ACP3: variants seen among roughly 807,000 people sequenced by gnomAD.
ACP3 encodes the protein prostatic acid phosphatase.
ACP3 carries 38 observed loss-of-function variants against 45.6 expected under a neutral mutation model. The observed-to-expected ratio is 0.83, with a 90% confidence interval of 0.64 to 1.09. ACP3 has a LOEUF of 1.09. Among genes scored for constraint, ACP3 ranks in the 50% least tolerant of loss-of-function variants. The probability of loss-of-function intolerance (pLI) is 0.00; values close to 1 mark genes in which losing one functional copy is unlikely to be tolerated. For synonymous variants in ACP3, 162 were observed against 164.7 expected, an observed-to-expected ratio of 0.98 and a Z score of 0.13; for missense variants, 466 against 463.2, an observed-to-expected ratio of 1.01 and a Z score of -0.05.
At chr3:132,340,455 T>A (rs1937541470) in intron 5 of ACP3, among the ~76,000 whole-genome samples, 1 of 152,218 alleles carries the variant, frequency 6.6e-6, no homozygotes, top group South Asian at 2.1e-4. Flanking sequence ...TTATATGGCT[T>A]CTATATTTTG....
intron 1 of ACP3, among the ~76,000 whole-genome samples, chr3:132,323,977 G>C (rs1576407489): frequency 6.6e-6 from 1 of 152,198 alleles, no homozygotes; most frequent in South Asian, 2.1e-4. Flanking sequence ...CAACACTTTG[G>C]GAGGCCAAGG....
intron 4 of ACP3, among the ~76,000 whole-genome samples, chr3:132,333,682 T>C (rs1346129982): frequency 6.6e-6 from 1 of 152,174 alleles, no homozygotes; most frequent in East Asian, 1.9e-4. Flanking sequence ...CTTCACAGAA[T>C]CATGAGGGAA....
intron 2 of ACP3, among the ~76,000 whole-genome samples, chr3:132,329,560 C>T (rs1036310742): frequency 6.6e-6 from 1 of 152,174 alleles, no homozygotes; most frequent in Non-Finnish European, 1.5e-5. Flanking sequence ...AGAGAGGCTA[C>T]AAAAATTCAG....
chr3:132,333,960 A>G lies in ACP3; in HGVS notation c.456+1616A>G, dbSNP rs1033683202. Among the ~76,000 whole-genome samples the G allele has an allele frequency of 3.9e-5, 6 of 152,124 alleles. No individual in the cohort carries two copies. In the East Asian group the frequency reaches 1.2e-3, roughly 29 times the overall value. Reference sequence around the variant, plus strand: ...GTGGTGCACGCCTGTAATCCCAGCTACTCAGGAGGCTGAGGCAGGAGAATC... The same window carrying G: ...GTGGTGCACGCCTGTAATCCCAGCTGCTCAGGAGGCTGAGGCAGGAGAATC... On this transcript the variant is annotated intron_variant, in intron 4 of 9. Coordinates refer to ENST00000336375, the MANE Select transcript of ACP3 (RefSeq NM_001099.5).
At chr3:132,337,050 A>G (rs904574743) in intron 4 of ACP3, among the ~76,000 whole-genome samples, 2 of 149,662 alleles carry the variant, frequency 1.3e-5, no homozygotes, top group African/African-American at 5.0e-5. Flanking sequence ...TTCTCCATAC[A>G]TACATGCGTT....
At chr3:132,329,955 T>C (rs1438395316) in intron 2 of ACP3, among the ~76,000 whole-genome samples, 1 of 145,562 alleles carries the variant, frequency 6.9e-6, no homozygotes, top group Non-Finnish European at 1.5e-5. Flanking sequence ...TCTCACTCTG[T>C]CCCCGCAGGC....
exon 11 of ACP3, chr3:132,367,982 C>G: frequency 1.6e-6 from 1 of 608,364 alleles, no homozygotes; most frequent in Non-Finnish European, 2.9e-6. Flanking sequence ...GACCCACAGG[C>G]TGCTGCTGGA....
intron 5 of ACP3, among the ~76,000 whole-genome samples, chr3:132,338,997 T>C (rs1937522568): frequency 6.6e-6 from 1 of 152,126 alleles, no homozygotes; most frequent in Non-Finnish European, 1.5e-5. Context: ...CTAGTACTCA[T>C]TGGTTATTTT....
chr3:132,364,765 AGAAG>A (rs1332998707), intron 10 of ACP3, among the ~76,000 whole-genome samples: 1 of 152,258 alleles, frequency 6.6e-6, no homozygotes, highest in Admixed American at 6.5e-5. Context: ...TAGAAAGGAA[AGAAG>A]GAAGGATAAA....
At chr3:132,366,299 C>CAA (rs757548940) in intron 10 of ACP3, among the ~76,000 whole-genome samples, 65 of 81,856 alleles carry the variant, frequency 7.9e-4, no homozygotes, top group East Asian at 6.5e-3. Context: ...AACTCTGTCT[C>CAA]AAAAAAAAAA....
chr3:132,319,279 A>T (rs1937162315), intron 1 of ACP3, among the ~76,000 whole-genome samples: 1 of 152,208 alleles, frequency 6.6e-6, no homozygotes, highest in Non-Finnish European at 1.5e-5. Flanking sequence ...AATTTATACA[A>T]ATGAGATAAC....
intron 10 of ACP3, among the ~76,000 whole-genome samples, chr3:132,366,437 T>A (rs1938133452): frequency 6.6e-6 from 1 of 152,138 alleles, no homozygotes. Context: ...AAGTCAGTGT[T>A]GGGATATATT....
chr3:132,323,955 C>A (rs990888152), intron 1 of ACP3, among the ~76,000 whole-genome samples: 4 of 152,186 alleles, frequency 2.6e-5, no homozygotes, highest in African/African-American at 9.6e-5. Flanking sequence ...CAGTGGCTCA[C>A]GCCTGTAATC....
At chr3:132,338,442 C>A (rs1474801430) in intron 5 of ACP3, among the ~76,000 whole-genome samples, 1 of 152,010 alleles carries the variant, frequency 6.6e-6, no homozygotes, top group Non-Finnish European at 1.5e-5. Context: ...GAATATGGGT[C>A]ATTTTTCAAT....
chr3:132,332,339 G>T lies in ACP3; in HGVS notation c.451G>T (p.Asp151Tyr). ...IPVHTVPLSEDQLLYLPFRNC... is the reference protein window; with the variant it reads ...IPVHTVPLSEYQLLYLPFRNC... ...GGTGCACACAGTTCCTCTTTCTGAA[G>T]ATCAGGTCAGTATACTGGGAAAACC... Residue 151 changes from aspartate (D) to tyrosine (Y), a missense_variant, in exon 4 of 10, where the codon GAT (aspartate) becomes TAT (tyrosine). Physicochemically the swap from Asp to Tyr is radical, Grantham distance 160. Transcript: ENST00000336375. 1 of 1,614,118 alleles carries T rather than the reference G, an allele frequency of 6.2e-7. No homozygotes were observed. The highest frequency in any genetic ancestry group is 8.5e-7 in the Non-Finnish European group (1 of 1,180,000).
chr3:132,338,217 TTTC>T (rs1342817612), intron 5 of ACP3, among the ~76,000 whole-genome samples: 6 of 150,888 alleles, frequency 4.0e-5, no homozygotes, highest in African/African-American at 1.4e-4. Context: ...ATTCTGATAG[TTTC>T]TTCTTTTGTT....
chr3:132,317,527 T>G lies in ACP3; in HGVS notation c.71T>G (p.Phe24Cys). The change falls in exon 1 of 10, where the codon TTC becomes TGC. Residue 24 changes from phenylalanine to cysteine, a missense_variant. Phe to Cys is a radical substitution (Grantham distance 205). Coordinates refer to ENST00000336375, the MANE Select transcript of ACP3 (RefSeq NM_001099.5). The stretch of plus-strand genomic sequence containing the variant: ...CTTGGCTTCTTGTTTCTGCTTTTTT[T>G]CTGGCTAGACCGAAGTGTACTAGCC... ...LSLGFLFLLFFWLDRSVLAKE... is the reference protein window; with the variant it reads ...LSLGFLFLLFCWLDRSVLAKE... The G allele has an allele frequency of 6.2e-7, 1 of 1,613,848 alleles. No homozygotes were observed. The highest frequency in any genetic ancestry group is 1.1e-5 in the South Asian group (1 of 91,004).
intron 1 of ACP3, among the ~76,000 whole-genome samples, chr3:132,320,307 A>T (rs1365483766): frequency 6.6e-6 from 1 of 152,186 alleles, no homozygotes; most frequent in Non-Finnish European, 1.5e-5. Context: ...AGAATCGTAA[A>T]TATGGTGAAT....
chr3:132,350,085 T>G, intron 8 of ACP3, 83 bp downstream of exon 8: 1 of 911,652 alleles, frequency 1.1e-6, no homozygotes, highest in South Asian at 1.5e-5. Context: ...TTTTTTAATC[T>G]TCATTTCCCC....
Sources: allele counts gnomAD v4.1 joint callset (sites outside exome capture counted in the v4.1 genomes callset), GRCh38; gene constraint gnomAD v4.1.1; transcripts MANE v1.5; gene names NCBI Gene and HGNC (gene_info 2026-07-23, HGNC 2026-07-21).